FREM1: variants seen among roughly 807,000 people sequenced by gnomAD.
FREM1 encodes the protein FRAS1 related extracellular matrix 1.
A neutral mutation model predicts 210.1 loss-of-function variants in FREM1; 220 were observed. That is an observed-to-expected ratio of 1.05 (90% CI 0.94 to 1.17). FREM1 has a LOEUF of 1.17. Ranked by LOEUF, FREM1 falls within the 50% of genes most tolerant of loss-of-function variation. The pLI, the probability that FREM1 is intolerant of heterozygous loss-of-function variation, is 0.00. For synonymous variants in FREM1, 1,189 were observed against 980.2 expected, an observed-to-expected ratio of 1.21 and a Z score of -3.98; for missense variants, 3,454 against 2,675.5, an observed-to-expected ratio of 1.29 and a Z score of -6.42.
At position 14,868,958 on chromosome 9, in the gene FREM1, C is replaced by T. The variant is rs1832080622; in HGVS notation, c.20G>A (p.Gly7Glu). 2 of 1,585,908 alleles carry T rather than the reference C, an allele frequency of 1.3e-6. No homozygotes were observed. Among genetic ancestry groups the T allele is most frequent in the South Asian group, 1.1e-5 (1 of 87,498 alleles). ...CAGCAGCAGCACGGCATTCGCAGCCCCCCAACTCAGAGAGTTCATGCTGAC... is the reference window on the plus strand; with the variant it reads ...CAGCAGCAGCACGGCATTCGCAGCCTCCCAACTCAGAGAGTTCATGCTGAC... MNSLSW[G>E]AANAVLLLLL... The change falls in exon 2 of 37, where the codon GGG becomes GAG. Residue 7 changes from glycine to glutamate, a missense_variant. Gly to Glu is a moderately conservative substitution (Grantham distance 98, BLOSUM62 -2). Transcript: ENST00000380880.
intron 36 of FREM1, 106 bp from the exon 37 acceptor site, chr9:14,737,701 C>A: frequency 1.1e-6 from 1 of 915,764 alleles, no homozygotes; most frequent in South Asian, 2.6e-5. Context: ...AGTGTGGGCC[C>A]AGGTTCTAAA....
chr9:14,774,154 C>G (rs761268155), intron 25 of FREM1: 3 of 518,674 alleles, frequency 5.8e-6, no homozygotes, highest in Admixed American at 3.9e-5. Context: ...AAGGACTCAT[C>G]CAGCATCCAC....
At chr9:14,878,044 T>G (rs1834098038) in intron 1 of FREM1, among the ~76,000 whole-genome samples, 1 of 152,178 alleles carries the variant, frequency 6.6e-6, no homozygotes, top group South Asian at 2.1e-4. Flanking sequence ...CTATTTGATC[T>G]CCCTACTTCT....
At position 14,869,098 on chromosome 9, in the gene FREM1, ATGTG is replaced by A; in HGVS notation, c.-125_-122del. 1.6e-6 allele frequency: 1 copy of A among 620,680 alleles called. No homozygotes were observed. Among genetic ancestry groups the A allele is most frequent in the Non-Finnish European group, 2.7e-6 (1 of 365,028 alleles). The allele number at this position is 620,680 out of a possible 1,614,324, so 38.4% of individuals were successfully genotyped here. Reference sequence around the variant, plus strand: ...AGGGGCAGGGTGAGGGGTCCTGACAATGTGCCCCGAGATCTTAACATGCCCCTTT... The same window carrying A: ...AGGGGCAGGGTGAGGGGTCCTGACAACCCCGAGATCTTAACATGCCCCTTT... On this transcript the variant is annotated 5_prime_UTR_variant, in exon 2 of 37. The change abolishes the stop of an existing upstream ORF in the 5' untranslated region. Transcript: ENST00000380880.
intron 24 of FREM1, among the ~76,000 whole-genome samples, chr9:14,781,161 C>G (rs1849587448): frequency 1.3e-5 from 2 of 152,292 alleles, no homozygotes; most frequent in South Asian, 4.2e-4. Flanking sequence ...TCCTTTGCCT[C>G]TTGGAACCTT....
At chr9:14,851,115 A>AC (rs1265412792) in intron 6 of FREM1, among the ~76,000 whole-genome samples, 169 bp downstream of exon 6, 1 of 151,990 alleles carries the variant, frequency 6.6e-6, no homozygotes, top group African/African-American at 2.4e-5. Context: ...TTGCTCATTG[A>AC]CCCCACCTGC....
intron 36 of FREM1, among the ~76,000 whole-genome samples, chr9:14,737,937 T>C (rs1276712356): frequency 6.6e-6 from 1 of 152,164 alleles, no homozygotes; most frequent in Non-Finnish European, 1.5e-5. Flanking sequence ...CATATATAAG[T>C]GTTTAATAAA....
At chr9:14,866,101 T>C (rs1183064810) in intron 2 of FREM1, among the ~76,000 whole-genome samples, 1 of 152,212 alleles carries the variant, frequency 6.6e-6, no homozygotes, top group Admixed American at 6.5e-5. Context: ...ATTCTACTTT[T>C]TCTTAATGAG....
At chr9:14,823,047 T>G in intron 13 of FREM1, 113 bp downstream of exon 13, 1 of 723,968 alleles carries the variant, frequency 1.4e-6, no homozygotes, top group South Asian at 4.2e-5. Context: ...GATGGAAATT[T>G]CTTTTATAAG....
intron 1 of FREM1, among the ~76,000 whole-genome samples, chr9:14,885,966 G>A (rs1835733635): frequency 6.6e-6 from 1 of 152,018 alleles, no homozygotes; most frequent in African/African-American, 2.4e-5. Context: ...CTGAAATTTT[G>A]TATCCTTTGA....
chr9:14,899,739 G>A (rs1029625478), intron 1 of FREM1, among the ~76,000 whole-genome samples: 3 of 152,198 alleles, frequency 2.0e-5, no homozygotes, highest in Non-Finnish European at 4.4e-5. Context: ...TCTAGAGGTA[G>A]AAACGTATTT....
chr9:14,859,980 T>G (rs1396336034), intron 3 of FREM1, among the ~76,000 whole-genome samples: 1 of 152,140 alleles, frequency 6.6e-6, no homozygotes, highest in Admixed American at 6.5e-5. Flanking sequence ...ATTCAGCAAT[T>G]GCCACTTCCA....
rs1455940637 is a variant in FREM1, at chr9:14,747,366, G to C, written c.5907C>G (p.Ala1969=). 2 of 1,613,434 alleles carry C rather than the reference G, an allele frequency of 1.2e-6. No individual in the cohort carries two copies. The change falls in exon 33 of 37, where the codon GCC becomes GCG. Residue 1969 remains alanine, a synonymous_variant. Coordinates refer to ENST00000380880, the MANE Select transcript of FREM1 (RefSeq NM_001379081.2). ...GTGGCTGACTAATGATGGATACTTT[G>C]GCCTTCCTTTTGTGAGTTGGGAAAC... is the stretch of plus-strand genomic sequence containing the variant. ...DDSFPTHKRK[A]KVSIISQPQK...
chr9:14,781,213 G>T (rs772013362), intron 24 of FREM1, among the ~76,000 whole-genome samples: 7 of 152,086 alleles, frequency 4.6e-5, no homozygotes, highest in African/African-American at 1.7e-4. Flanking sequence ...TGCATCTCTC[G>T]CAAGGTGGTG....
At chr9:14,899,193 C>G (rs1838319124) in intron 1 of FREM1, among the ~76,000 whole-genome samples, 1 of 152,206 alleles carries the variant, frequency 6.6e-6, no homozygotes, top group South Asian at 2.1e-4. Context: ...TGACCCACAG[C>G]TACTCAAGGG....
At chr9:14,746,493 T>C in intron 34 of FREM1, 25 bp from the exon 35 acceptor site, 1 of 1,559,402 alleles carries the variant, frequency 6.4e-7, no homozygotes, top group African/African-American at 1.4e-5. Context: ...TCTGTGTTCA[T>C]ATCATAATGG....
At chr9:14,744,264 A>G (rs118068188) in intron 35 of FREM1, among the ~76,000 whole-genome samples, 2 of 152,096 alleles carry the variant, frequency 1.3e-5, no homozygotes, top group Non-Finnish European at 2.9e-5. Flanking sequence ...TATAATTTAC[A>G]TATAATAAAA....
intron 7 of FREM1, among the ~76,000 whole-genome samples, chr9:14,847,400 AGAAGGAAG>A (rs1348075386): frequency 5.7e-5 from 2 of 34,812 alleles, no homozygotes; most frequent in Non-Finnish European, 1.3e-4. Context: ...AGAGAGAAAA[AGAAGGAAG>A]GAAGGAAGGA....
intron 13 of FREM1, 35 bp downstream of exon 13, chr9:14,823,125 T>C: frequency 6.6e-7 from 1 of 1,519,452 alleles, no homozygotes; most frequent in South Asian, 1.3e-5. Context: ...TTTCTTTTCC[T>C]CCTTTTCATC....
Sources: gnomAD v4.1 joint callset for allele counts (sites outside exome capture counted in the v4.1 genomes callset) on GRCh38, gnomAD v4.1.1 for gene constraint, MANE v1.5 for transcripts, NCBI Gene and HGNC (gene_info 2026-07-23, HGNC 2026-07-21) for gene names.